RAPGEF4: variants seen among roughly 807,000 people sequenced by gnomAD.
The protein encoded by RAPGEF4 is RAP guanine-nucleotide-exchange factor (GEF) 4.
In RAPGEF4, 66 loss-of-function variants were observed where a neutral mutation model predicts 147.9. The ratio of observed to expected loss-of-function variants is 0.45; its 90% CI spans 0.37 to 0.55. The LOEUF is 0.55. RAPGEF4 is among the 20% of genes least tolerant of loss of function. RAPGEF4 has a pLI of 0.00. For missense variants in RAPGEF4, 1,071 were observed against 1,257.3 expected, an observed-to-expected ratio of 0.85 and a Z score of 2.24; for synonymous variants, 419 against 442.7, an observed-to-expected ratio of 0.95 and a Z score of 0.67.
At chr2:173,021,301 A>G (rs1208004997) in intron 23 of RAPGEF4, among the ~76,000 whole-genome samples, 12 of 152,130 alleles carry the variant, frequency 7.9e-5, no homozygotes. Context: ...ATCCATTTCT[A>G]TTTCTCCTAC....
At chr2:172,783,685 C>G (rs533449640) in intron 1 of RAPGEF4, among the ~76,000 whole-genome samples, 2 of 151,748 alleles carry the variant, frequency 1.3e-5, no homozygotes, top group Admixed American at 1.3e-4. Context: ...GAGGTGCTTG[C>G]GTGTGTGTAT....
chr2:172,949,202 A>C (rs919807103), intron 6 of RAPGEF4, among the ~76,000 whole-genome samples: 3 of 152,200 alleles, frequency 2.0e-5, no homozygotes, highest in African/African-American at 4.8e-5. Flanking sequence ...CTCCTCAGAG[A>C]TTTCTCTACA....
chr2:173,033,837 C>T (rs1683547274), intron 26 of RAPGEF4, 77 bp from the exon 27 acceptor site: 2 of 1,363,640 alleles, frequency 1.5e-6, no homozygotes, highest in East Asian at 2.3e-5. Context: ...TATATTTCCC[C>T]TAGAAATGGT....
intron 1 of RAPGEF4, among the ~76,000 whole-genome samples, chr2:172,761,516 C>T (rs1264154243): frequency 3.9e-5 from 6 of 152,044 alleles, no homozygotes; most frequent in Admixed American, 3.9e-4. Flanking sequence ...TGAAAATATC[C>T]TTCAGGAATG....
Position 172,765,537 on chromosome 2 carries a change from C to A in RAPGEF4, c.66-29488C>A, listed in dbSNP as rs1696750680. On this transcript the variant is annotated intron_variant, in intron 1 of 30. Transcript: ENST00000397081. ...CCCTAGTGTCTTGCCATCTCTCACACACAGAGGATCCAGATCAACATGGTC... is the reference window on the plus strand; with the variant it reads ...CCCTAGTGTCTTGCCATCTCTCACAAACAGAGGATCCAGATCAACATGGTC... Among the ~76,000 whole-genome samples, 3 of 152,304 alleles carry A rather than the reference C, an allele frequency of 2.0e-5. No individual in the cohort carries two copies. The South Asian group carries it at 6.2e-4, about 32-fold the overall frequency.
intron 17 of RAPGEF4, among the ~76,000 whole-genome samples, chr2:173,007,301 A>G (rs1048149908): frequency 4.6e-5 from 7 of 152,356 alleles, no homozygotes; most frequent in African/African-American, 1.2e-4. Flanking sequence ...TCTGAAAATC[A>G]GTGGGAAAAA....
intron 4 of RAPGEF4, chr2:172,889,638 T>TAC (rs1697670643): frequency 6.5e-6 from 1 of 152,850 alleles, no homozygotes. Flanking sequence ...TATGTATATA[T>TAC]ACATATATAT....
At chr2:172,772,533 G>C (rs1180007347) in intron 1 of RAPGEF4, among the ~76,000 whole-genome samples, 2 of 151,844 alleles carry the variant, frequency 1.3e-5, no homozygotes, top group Non-Finnish European at 2.9e-5. Context: ...CAGTAGAAAC[G>C]GGGCTTCACC....
intron 4 of RAPGEF4, among the ~76,000 whole-genome samples, chr2:172,820,851 G>A (rs892601451): frequency 6.6e-6 from 1 of 152,114 alleles, no homozygotes; most frequent in Non-Finnish European, 1.5e-5. Flanking sequence ...ATATGTTGGC[G>A]GTTGTGAAAC....
intron 4 of RAPGEF4, among the ~76,000 whole-genome samples, chr2:172,828,154 T>G (rs1238676813): frequency 2.0e-5 from 3 of 151,800 alleles, no homozygotes; most frequent in Non-Finnish European, 4.4e-5. Flanking sequence ...AATATTAAAG[T>G]GAGATAAAAG....
intron 4 of RAPGEF4, among the ~76,000 whole-genome samples, chr2:172,863,979 GAT>G (rs2149787018): frequency 6.6e-6 from 1 of 152,246 alleles, no homozygotes; most frequent in South Asian, 2.1e-4. Context: ...TAATCACCAG[GAT>G]AGAAAATATT....
rs192053996 is a variant in RAPGEF4 at position 173,014,342 on chromosome 2, G to T, written c.1659-122G>T. ...TGGGGTTTTTCATGAGGGCCTAGGG[G>T]AGGAATTCTATCCATCTAAAAGCCT... On this transcript the variant is annotated intron_variant, in intron 17 of 30. Coordinates refer to ENST00000397081, the MANE Select transcript of RAPGEF4 (RefSeq NM_007023.4). 4 of 1,234,816 alleles carry T rather than the reference G, an allele frequency of 3.2e-6. No individual in the cohort carries two copies. The African/African-American group carries it at 4.5e-5, about 14-fold the overall frequency. The allele number at this position is 1,234,816 out of a possible 1,614,324, so 76.5% of individuals were successfully genotyped here. A position where few individuals can be genotyped will look rare whatever the true frequency, so the allele number is the denominator to read the frequency against.
intron 4 of RAPGEF4, among the ~76,000 whole-genome samples, chr2:172,907,745 G>A (rs1699763561): frequency 6.6e-6 from 1 of 152,150 alleles, no homozygotes; most frequent in Non-Finnish European, 1.5e-5. Flanking sequence ...CAAAGCTGGA[G>A]ACTATCTGGT....
Position 172,909,273 on chromosome 2 carries a change from C to T in RAPGEF4, c.445-8529C>T, listed in dbSNP as rs375602976. 3.9e-5 allele frequency among the ~76,000 whole-genome samples: 6 copies of T among 152,204 alleles called. No homozygotes were observed. The East Asian group carries it at 7.7e-4, about 20-fold the overall frequency. The stretch of plus-strand genomic sequence containing the variant: ...GAGGCATGCATCCTCAAGGCCACCA[C>T]GCAAGAGTTTTGGAGTAACACTAGA... On this transcript the variant is annotated intron_variant, in intron 4 of 30. Coordinates refer to ENST00000397081, the MANE Select transcript of RAPGEF4 (RefSeq NM_007023.4).
intron 17 of RAPGEF4, among the ~76,000 whole-genome samples, chr2:173,003,695 C>A (rs1395678156): frequency 1.4e-5 from 1 of 71,446 alleles, no homozygotes; most frequent in Non-Finnish European, 2.8e-5. Context: ...TGGAGTTTGC[C>A]TTTTTTTTTT....
intron 4 of RAPGEF4, among the ~76,000 whole-genome samples, chr2:172,849,634 T>A (rs191503642): frequency 1.9e-4 from 29 of 152,340 alleles, no homozygotes; most frequent in African/African-American, 6.3e-4. Flanking sequence ...CAGCCACTGG[T>A]CCAACATTAT....
At chr2:173,018,869 A>G in intron 22 of RAPGEF4, 67 bp downstream of exon 22, 1 of 1,560,000 alleles carries the variant, frequency 6.4e-7, no homozygotes, top group Non-Finnish European at 8.7e-7. Flanking sequence ...GAAACTATGT[A>G]AGGAGTTAGC....
intron 4 of RAPGEF4, among the ~76,000 whole-genome samples, chr2:172,878,097 A>G (rs1559092751): frequency 6.6e-6 from 1 of 152,204 alleles, no homozygotes; most frequent in African/African-American, 2.4e-5. Context: ...TAGAATCTGC[A>G]CTTCAAATGA....
intron 1 of RAPGEF4, among the ~76,000 whole-genome samples, chr2:172,755,273 T>C (rs985188340): frequency 2.0e-5 from 3 of 152,252 alleles, no homozygotes; most frequent in African/African-American, 7.2e-5. Flanking sequence ...TAAGATTAAA[T>C]GACCAAAGAG....
Sources: gnomAD v4.1 joint callset for allele counts (sites outside exome capture counted in the v4.1 genomes callset) on GRCh38, gnomAD v4.1.1 for gene constraint, MANE v1.5 for transcripts, NCBI Gene and HGNC (gene_info 2026-07-23, HGNC 2026-07-21) for gene names.